SYNPR: variants seen among roughly 807,000 people sequenced by gnomAD.
The protein encoded by SYNPR is synaptoporin.
Under a neutral mutation model 32.9 loss-of-function variants are expected in SYNPR, and 23 were observed. The observed-to-expected ratio is 0.70, with a 90% confidence interval of 0.50 to 0.99. The LOEUF (loss-of-function observed/expected upper bound fraction) is 0.99, where lower values mean the gene tolerates loss of function less well. Ranked by LOEUF, SYNPR falls within the 50% of genes least tolerant of loss-of-function variation. The pLI, the probability that SYNPR is intolerant of heterozygous loss-of-function variation, is 0.00. For synonymous variants in SYNPR, 146 were observed against 135.9 expected, an observed-to-expected ratio of 1.07 and a Z score of -0.52; for missense variants, 318 against 349.3, an observed-to-expected ratio of 0.91 and a Z score of 0.71.
chr3:63,547,469 C>T (rs1013751318), intron 3 of SYNPR, among the ~76,000 whole-genome samples: 2 of 152,066 alleles, frequency 1.3e-5, no homozygotes, highest in Non-Finnish European at 2.9e-5. Flanking sequence ...TTGAGGACAG[C>T]GTAATGTGCC....
At chr3:63,498,940 C>T (rs115193412) in intron 3 of SYNPR, among the ~76,000 whole-genome samples, 4,413 of 141,598 alleles carry the variant, frequency 0.031, 109 homozygotes, top group South Asian at 0.097. Context: ...ATAGTGGGAC[C>T]TCACCTCTAA....
At chr3:63,388,831 A>G (rs2107080929) in intron 2 of SYNPR, among the ~76,000 whole-genome samples, 1 of 152,250 alleles carries the variant, frequency 6.6e-6, no homozygotes, top group South Asian at 2.1e-4. Flanking sequence ...TTATACCCAG[A>G]AAGTTAATAT....
In SYNPR at chr3:63,615,319, A is replaced by G. The variant is rs1209613707; in HGVS notation, c.696A>G (p.Ser232=). 1.9e-6 allele frequency: 3 copies of G among 1,613,814 alleles called. No homozygotes were observed. In the African/African-American group the frequency reaches 4.0e-5, roughly 22 times the overall value. Residue 232 remains serine (S), a synonymous_variant, in exon 6 of 6, where the codon TCA becomes TCG. Transcript: ENST00000478300. ...GWHSSGQRYL[S]DPMEKHSSSY... is the part of the protein sequence containing the mutation. ...ATTCTTCGGGACAGAGATATCTTTC[A>G]GATCCAATGGAGAAGCACTCCAGCA...
rs1702943806 is a variant in SYNPR at position 63,574,459 on chromosome 3, T to G, written c.408+17718T>G. ...TGCCTTGTGTCTAGCCATAAGAGAA[T>G]GAGTAATTCTCAGTGGTGAAGTGGG... On this transcript the variant is annotated intron_variant, in intron 4 of 5. Coordinates refer to ENST00000478300, the MANE Select transcript of SYNPR (RefSeq NM_001130003.2). 2.0e-5 allele frequency among the ~76,000 whole-genome samples: 3 copies of G among 152,124 alleles called. No homozygotes were observed. In the South Asian group the frequency reaches 6.2e-4, roughly 32 times the overall value.
chr3:63,552,058 T>C (rs1702512425), intron 3 of SYNPR, among the ~76,000 whole-genome samples: 1 of 151,798 alleles, frequency 6.6e-6, no homozygotes, highest in Non-Finnish European at 1.5e-5. Context: ...CCACCATGTC[T>C]GGCTAATTTT....
Position 63,615,746 on chromosome 3 carries a change from G to T in SYNPR, c.*265G>T, listed in dbSNP as rs1368175119. The T allele has an allele frequency of 1.7e-5, 6 of 346,778 alleles. No homozygotes were observed. In the South Asian group the frequency reaches 3.5e-4, roughly 20 times the overall value. 21.5% of individuals were successfully genotyped at this position (346,778 alleles called of 1,614,324 possible). A position where few individuals can be genotyped will look rare whatever the true frequency, so the allele number is the denominator to read the frequency against. ...ATACAGATACTTTCATGGTCATTTTGTATGTATGTTAAAGTAGTAGAAGTA... is the reference window on the plus strand; with the variant it reads ...ATACAGATACTTTCATGGTCATTTTTTATGTATGTTAAAGTAGTAGAAGTA... On this transcript the variant is annotated 3_prime_UTR_variant, in exon 6 of 6. Coordinates refer to ENST00000478300, the MANE Select transcript of SYNPR (RefSeq NM_001130003.2).
intron 2 of SYNPR, among the ~76,000 whole-genome samples, chr3:63,280,802 TTAC>T (rs77666183): frequency 0.071 from 10,758 of 152,078 alleles, 411 homozygotes; most frequent in Middle Eastern, 0.099. Flanking sequence ...GGTTACTAAG[TTAC>T]TACATTTAAA....
At chr3:63,340,394 T>G (rs1029576169) in intron 2 of SYNPR, among the ~76,000 whole-genome samples, 4 of 151,210 alleles carry the variant, frequency 2.6e-5, no homozygotes, top group African/African-American at 7.3e-5. Context: ...ACCACCTAGA[T>G]TCTACCATTA....
intron 2 of SYNPR, among the ~76,000 whole-genome samples, chr3:63,461,554 C>G (rs995631006): frequency 9.2e-5 from 14 of 152,034 alleles, no homozygotes; most frequent in Non-Finnish European, 1.6e-4. Flanking sequence ...TATCCCATCC[C>G]AGCATCTGTG....
intron 5 of SYNPR, among the ~76,000 whole-genome samples, chr3:63,609,732 C>T (rs1398966677): frequency 6.6e-6 from 1 of 152,048 alleles, no homozygotes; most frequent in African/African-American, 2.4e-5. Context: ...CATGGTGAAA[C>T]CCTGTCTCTA....
At chr3:63,593,502 T>C (rs1320501535) in intron 4 of SYNPR, among the ~76,000 whole-genome samples, 1 of 152,172 alleles carries the variant, frequency 6.6e-6, no homozygotes, top group Non-Finnish European at 1.5e-5. Context: ...AAATCTTCTT[T>C]TCACAAGAAA....
chr3:63,251,083 A>G (rs2086327334), intron 1 of SYNPR, among the ~76,000 whole-genome samples: 1 of 152,160 alleles, frequency 6.6e-6, no homozygotes, highest in African/African-American at 2.4e-5. Context: ...TTTATTTCAC[A>G]TATTTTGAAC....
At chr3:63,386,810 T>A (rs1209782192) in intron 2 of SYNPR, among the ~76,000 whole-genome samples, 1 of 152,196 alleles carries the variant, frequency 6.6e-6, no homozygotes, top group South Asian at 2.1e-4. Context: ...AAGAGCAGCA[T>A]GGCACTGCTG....
chr3:63,614,023 T>C (rs1700242052), intron 5 of SYNPR, among the ~76,000 whole-genome samples: 1 of 133,340 alleles, frequency 7.5e-6, no homozygotes, highest in Non-Finnish European at 1.7e-5. Flanking sequence ...ACTACACCAG[T>C]GCCCCCTCTG....
Position 63,409,893 on chromosome 3 carries a change from G to A in SYNPR, c.85-70939G>A, listed in dbSNP as rs114778561. ...TAGAAGTGACAGACGTCACATCAGC[G>A]TGGAAGCTCTGAGCCAATGCACAAT... On this transcript the variant is annotated intron_variant, in intron 2 of 5. Coordinates refer to ENST00000478300, the MANE Select transcript of SYNPR (RefSeq NM_001130003.2). Among the ~76,000 whole-genome samples the A allele has an allele frequency of 3.9e-3, 599 of 152,196 alleles. 2 individuals are homozygous for A. Among genetic ancestry groups the A allele is most frequent in the Non-Finnish European group, 6.2e-3 (421 of 67,984 alleles).
At chr3:63,338,697 C>T (rs1405027333) in intron 2 of SYNPR, among the ~76,000 whole-genome samples, 1 of 152,152 alleles carries the variant, frequency 6.6e-6, no homozygotes, top group Non-Finnish European at 1.5e-5. Flanking sequence ...AAAAGCCTGT[C>T]CAAGGACACA....
intron 4 of SYNPR, 60 bp from the exon 5 acceptor site, chr3:63,609,065 A>C: frequency 2.0e-6 from 3 of 1,516,166 alleles, no homozygotes; most frequent in Non-Finnish European, 2.7e-6. Flanking sequence ...TAAACAAATC[A>C]ACTTGTTTCT....
chr3:63,342,503 A>G (rs2087383576), intron 2 of SYNPR, among the ~76,000 whole-genome samples: 1 of 152,134 alleles, frequency 6.6e-6, no homozygotes, highest in South Asian at 2.1e-4. Context: ...TTCTTACATC[A>G]TTGGATTCAG....
At chr3:63,456,743 C>A (rs1222519956) in intron 2 of SYNPR, among the ~76,000 whole-genome samples, 3 of 152,026 alleles carry the variant, frequency 2.0e-5, no homozygotes, top group Non-Finnish European at 4.4e-5. Context: ...CATGATCACG[C>A]CTCTTTCCCT....
Sources: gnomAD v4.1 joint callset for allele counts (sites outside exome capture counted in the v4.1 genomes callset) on GRCh38, gnomAD v4.1.1 for gene constraint, MANE v1.5 for transcripts, NCBI Gene and HGNC (gene_info 2026-07-23, HGNC 2026-07-21) for gene names.